Variants in FAM13A observed in about 807,000 individuals in gnomAD.
FAM13A encodes the protein protein FAM13A.
Under a neutral mutation model 129.6 loss-of-function variants are expected in FAM13A, and 76 were observed. The ratio of observed to expected loss-of-function variants is 0.59; its 90% CI spans 0.49 to 0.71. FAM13A has a LOEUF of 0.71. Among genes scored for constraint, FAM13A ranks in the 30% least tolerant of loss-of-function variants. FAM13A has a pLI of 0.00. For missense variants in FAM13A, 1,108 were observed against 1,249.3 expected (o/e 0.89, Z 1.70); for synonymous variants, 443 against 449.9 (o/e 0.98, Z 0.20).
intron 6 of FAM13A, among the ~76,000 whole-genome samples, chr4:88,854,776 A>G (rs114298795): frequency 0.013 from 2,035 of 152,326 alleles, 45 homozygotes; most frequent in African/African-American, 0.047. Context: ...CAGTAGCTCT[A>G]ATTGTGGCAT....
At chr4:88,804,922 T>A (rs3822075) in intron 8 of FAM13A, 89 bp downstream of exon 8, 339,186 of 742,876 alleles carry the variant, frequency 0.46, 79,551 homozygotes, top group East Asian at 0.69. Flanking sequence ...AATGTTCTAT[T>A]GAAAGAGATT....
intron 4 of FAM13A, among the ~76,000 whole-genome samples, chr4:88,957,510 G>T (rs1042602368): frequency 6.6e-6 from 1 of 152,042 alleles, no homozygotes; most frequent in East Asian, 1.9e-4. Context: ...ACCGAGTCTC[G>T]GATATTTCTT....
At chr4:88,795,633 T>G (rs1046850236) in intron 8 of FAM13A, among the ~76,000 whole-genome samples, 1 of 151,838 alleles carries the variant, frequency 6.6e-6, no homozygotes, top group African/African-American at 2.4e-5. Flanking sequence ...CCATTCTATC[T>G]ATGTAGTCTG....
intron 4 of FAM13A, among the ~76,000 whole-genome samples, chr4:88,945,910 C>CTA (rs1377616142): frequency 8.3e-6 from 1 of 120,608 alleles, no homozygotes; most frequent in African/African-American, 3.3e-5. Context: ...TATACACAGA[C>CTA]TATATATATA....
chr4:88,729,059 GTTT>G (rs529829067), intron 23 of FAM13A: 8 of 78,416 alleles, frequency 1.0e-4, no homozygotes, highest in East Asian at 4.2e-4. Context: ...CCACAACTTA[GTTT>G]TTTTTTTTTT....
intron 11 of FAM13A, among the ~76,000 whole-genome samples, chr4:88,779,215 C>T: frequency 6.6e-6 from 1 of 152,104 alleles, no homozygotes; most frequent in Non-Finnish European, 1.5e-5. Flanking sequence ...TCCTGCCACA[C>T]AGATGACATA....
Position 88,851,189 on chromosome 4 carries a change from A to T in FAM13A, c.844-6T>A. The T allele has an allele frequency of 6.4e-7, 1 of 1,571,226 alleles. No homozygotes were observed. Among genetic ancestry groups the T allele is most frequent in the Non-Finnish European group, 8.7e-7 (1 of 1,154,086 alleles). ...TCACTCCTGGATTTTGGGATCTAGA[A>T]GAAAAAAAAAAGAGGGGTGGGGGAG... On this transcript the variant is annotated splice_polypyrimidine_tract_variant and splice_region_variant and intron_variant, in intron 6 of 23. Transcript: ENST00000264344.
intron 19 of FAM13A, among the ~76,000 whole-genome samples, chr4:88,745,779 T>C (rs139657452): frequency 1.9e-3 from 296 of 152,044 alleles, no homozygotes; most frequent in African/African-American, 5.4e-3. Flanking sequence ...GGCTGAAACA[T>C]GAACATTATC....
At chr4:89,033,409 C>T (rs919408210) in intron 1 of FAM13A, among the ~76,000 whole-genome samples, 6 of 152,108 alleles carry the variant, frequency 3.9e-5, no homozygotes, top group Non-Finnish European at 7.3e-5. Context: ...CAGTAAAGTG[C>T]TCCAGTTCGC....
intron 6 of FAM13A, among the ~76,000 whole-genome samples, chr4:88,884,199 A>C (rs557717359): frequency 7.4e-6 from 1 of 135,930 alleles, no homozygotes; most frequent in East Asian, 2.3e-4. Context: ...AGGAAAGGAC[A>C]TAACAAAAAA....
intron 2 of FAM13A, among the ~76,000 whole-genome samples, chr4:89,023,479 C>A (rs1209599366): frequency 6.6e-6 from 1 of 151,258 alleles, no homozygotes; most frequent in African/African-American, 2.4e-5. Flanking sequence ...TCTTTTCCAA[C>A]AAGGTTTTTT....
At chr4:88,830,565 C>A (rs1733729578) in intron 7 of FAM13A, among the ~76,000 whole-genome samples, 1 of 152,050 alleles carries the variant, frequency 6.6e-6, no homozygotes, top group Non-Finnish European at 1.5e-5. Flanking sequence ...AGAAAAATAT[C>A]CCATAGAGAT....
Position 88,727,991 on chromosome 4 carries a change from C to T in FAM13A, c.*542G>A, listed in dbSNP as rs535331145. 3.3e-5 allele frequency: 5 copies of T among 153,436 alleles called. No homozygotes were observed. The highest frequency in any genetic ancestry group is 2.1e-4 in the South Asian group (1 of 4,866). 9.5% of individuals were successfully genotyped at this position (153,436 alleles called of 1,614,324 possible). A position where few individuals can be genotyped will look rare whatever the true frequency, so the allele number is the denominator to read the frequency against. On this transcript the variant is annotated 3_prime_UTR_variant, in exon 24 of 24. Transcript: ENST00000264344. ...AAACCTTTCACACACGTGAGGAAGG[C>T]GCAGCTCTGTGGAAAGGTCACTAGA...
chr4:88,797,051 C>A (rs1726334480), intron 8 of FAM13A, among the ~76,000 whole-genome samples: 2 of 151,974 alleles, frequency 1.3e-5, no homozygotes. Flanking sequence ...TTATGTAAGA[C>A]AAGAAAATTA....
At chr4:88,867,582 G>A (rs534314780) in intron 6 of FAM13A, among the ~76,000 whole-genome samples, 5 of 152,306 alleles carry the variant, frequency 3.3e-5, no homozygotes, top group Non-Finnish European at 5.9e-5. Context: ...TGACTTTGGG[G>A]TTACCAGTAC....
At chr4:88,808,857 T>C (rs906571773) in intron 7 of FAM13A, among the ~76,000 whole-genome samples, 2 of 152,138 alleles carry the variant, frequency 1.3e-5, no homozygotes, top group Non-Finnish European at 2.9e-5. Flanking sequence ...TGTTCTCAGA[T>C]ACATGGTACT....
chr4:88,818,335 A>G (rs938013114), intron 7 of FAM13A, among the ~76,000 whole-genome samples: 1 of 151,998 alleles, frequency 6.6e-6, no homozygotes, highest in Non-Finnish European at 1.5e-5. Context: ...AATCTCCCTC[A>G]TAAAATAAGT....
At chr4:89,056,595 A>T (rs954102384) in intron 1 of FAM13A, among the ~76,000 whole-genome samples, 1 of 152,180 alleles carries the variant, frequency 6.6e-6, no homozygotes, top group Non-Finnish European at 1.5e-5. Context: ...TAGCCACAAG[A>T]TTTCTCTAAT....
At chr4:88,906,142 G>T (rs1377794141) in intron 6 of FAM13A, among the ~76,000 whole-genome samples, 2 of 152,146 alleles carry the variant, frequency 1.3e-5, no homozygotes, top group Non-Finnish European at 2.9e-5. Flanking sequence ...ACAAAAATTA[G>T]CTGGGCATGG....
Sources: gnomAD v4.1 joint callset for allele counts (sites outside exome capture counted in the v4.1 genomes callset) on GRCh38, gnomAD v4.1.1 for gene constraint, MANE v1.5 for transcripts, NCBI Gene and HGNC (gene_info 2026-07-23, HGNC 2026-07-21) for gene names.